SIPA1L1: variants seen among roughly 807,000 people sequenced by gnomAD.
SIPA1L1 encodes the protein signal-induced proliferation-associated 1-like protein 1.
SIPA1L1 carries 26 observed loss-of-function variants against 162.7 expected under a neutral mutation model. That is an observed-to-expected ratio of 0.16 (90% confidence interval 0.12 to 0.22). The LOEUF is 0.22. Among genes scored for constraint, SIPA1L1 ranks in the 10% least tolerant of loss-of-function variants. SIPA1L1 has a pLI of 1.00. For missense variants in SIPA1L1, 1,874 were observed against 2,241.0 expected (o/e 0.84, Z 3.31); for synonymous variants, 829 against 837.4 (o/e 0.99, Z 0.17).
At chr14:71,486,634 T>C (rs1053403064) in intron 2 of SIPA1L1, among the ~76,000 whole-genome samples, 1 of 152,238 alleles carries the variant, frequency 6.6e-6, no homozygotes, top group Non-Finnish European at 1.5e-5. Flanking sequence ...AATACAACTT[T>C]TATTTTTTAA....
intron 12 of SIPA1L1, among the ~76,000 whole-genome samples, chr14:71,676,471 T>TC (rs2045197560): frequency 6.6e-6 from 1 of 151,416 alleles, no homozygotes; most frequent in Non-Finnish European, 1.5e-5. Flanking sequence ...ATTTTCCTTT[T>TC]TTTTTTTTTT....
intron 4 of SIPA1L1, among the ~76,000 whole-genome samples, chr14:71,542,735 T>TC (rs2054584131): frequency 1.4e-5 from 2 of 139,190 alleles, no homozygotes; most frequent in African/African-American, 5.2e-5. Flanking sequence ...TCCTCCTCCT[T>TC]CTTCTCTCTC....
At chr14:71,669,673 A>T (rs1342753362) in intron 10 of SIPA1L1, among the ~76,000 whole-genome samples, 1 of 152,206 alleles carries the variant, frequency 6.6e-6, no homozygotes, top group Non-Finnish European at 1.5e-5. Flanking sequence ...TGGTATAATT[A>T]AGCCATATGG....
At chr14:71,571,434 A>C (rs1310616581) in intron 4 of SIPA1L1, among the ~76,000 whole-genome samples, 1 of 152,170 alleles carries the variant, frequency 6.6e-6, no homozygotes, top group Non-Finnish European at 1.5e-5. Flanking sequence ...TAAAAAGAAC[A>C]ACACAAAGAC....
At chr14:71,400,403 C>G (rs528624381) in intron 2 of SIPA1L1, among the ~76,000 whole-genome samples, 1 of 152,174 alleles carries the variant, frequency 6.6e-6, no homozygotes, top group Admixed American at 6.5e-5. Context: ...TTACATAAAG[C>G]ATTTTTTATT....
At chr14:71,669,365 C>G (rs988477542) in intron 10 of SIPA1L1, among the ~76,000 whole-genome samples, 3 of 152,156 alleles carry the variant, frequency 2.0e-5, no homozygotes, top group Non-Finnish European at 4.4e-5. Context: ...TAAAATCACA[C>G]CCCCTGCTAA....
intron 7 of SIPA1L1, among the ~76,000 whole-genome samples, chr14:71,641,299 A>C (rs1267942825): frequency 6.6e-6 from 1 of 151,960 alleles, no homozygotes; most frequent in Non-Finnish European, 1.5e-5. Context: ...AAAAAAAATC[A>C]AATATAGGCT....
chr14:71,445,535 G>C (rs2045277522), intron 2 of SIPA1L1, among the ~76,000 whole-genome samples: 1 of 152,134 alleles, frequency 6.6e-6, no homozygotes, highest in Non-Finnish European at 1.5e-5. Flanking sequence ...CATGGGAAGA[G>C]AGACTGGATA....
rs995055840 is a variant in SIPA1L1 at position 71,650,614 on chromosome 14, A to G, written c.1993+105A>G. 4 of 1,060,330 alleles carry G rather than the reference A, an allele frequency of 3.8e-6. No individual in the cohort carries two copies. In the East Asian group the frequency reaches 7.6e-5, roughly 20 times the overall value. 65.7% of individuals were successfully genotyped at this position (1,060,330 alleles called of 1,614,324 possible). A position where few individuals can be genotyped will look rare whatever the true frequency, so the allele number is the denominator to read the frequency against. On this transcript the variant is annotated intron_variant, in intron 8 of 23. Coordinates refer to ENST00000381232, the MANE Select transcript of SIPA1L1 (RefSeq NM_001386936.1). ...GCAACATTGCCATTTATCGCAGAAC[A>G]CTGCTGGTGATGGGGGAGAGAAAGC...
intron 2 of SIPA1L1, among the ~76,000 whole-genome samples, chr14:71,357,921 G>A (rs1411456733): frequency 6.6e-6 from 1 of 152,154 alleles, no homozygotes; most frequent in African/African-American, 2.4e-5. Flanking sequence ...TAGTAGAGAC[G>A]AGGTTTTGTT....
At chr14:71,502,256 AT>A (rs1337334839) in intron 2 of SIPA1L1, among the ~76,000 whole-genome samples, 108 of 59,642 alleles carry the variant, frequency 1.8e-3, no homozygotes, top group African/African-American at 5.4e-3. Flanking sequence ...AAAAAAAAAA[AT>A]ATATATATAT....
intron 5 of SIPA1L1, among the ~76,000 whole-genome samples, chr14:71,601,974 A>G (rs1296350911): frequency 6.7e-6 from 1 of 150,038 alleles, no homozygotes; most frequent in East Asian, 1.9e-4. Context: ...TATCCTACCA[A>G]GTGGTTTATT....
chr14:71,664,698 A>G (rs1055309959), intron 10 of SIPA1L1, among the ~76,000 whole-genome samples: 1 of 152,190 alleles, frequency 6.6e-6, no homozygotes, highest in Non-Finnish European at 1.5e-5. Flanking sequence ...TTAGCATTTA[A>G]AACCTCTTGG....
intron 2 of SIPA1L1, among the ~76,000 whole-genome samples, chr14:71,438,593 C>G (rs2044593655): frequency 6.6e-6 from 1 of 152,068 alleles, no homozygotes; most frequent in East Asian, 1.9e-4. Context: ...GTAAAAGGAC[C>G]ACGGTTGCTT....
At chr14:71,648,021 G>A (rs1044135104) in intron 7 of SIPA1L1, among the ~76,000 whole-genome samples, 2 of 152,186 alleles carry the variant, frequency 1.3e-5, no homozygotes, top group African/African-American at 4.8e-5. Context: ...CAGGCACAGT[G>A]GCTCATGCCT....
intron 12 of SIPA1L1, among the ~76,000 whole-genome samples, chr14:71,675,089 G>C (rs896888320): frequency 6.6e-5 from 10 of 152,220 alleles, no homozygotes; most frequent in Non-Finnish European, 1.3e-4. Context: ...TTTCTATGGT[G>C]CAGATACTCC....
chr14:71,720,328 C>T (rs1321078441), intron 17 of SIPA1L1, among the ~76,000 whole-genome samples: 1 of 152,150 alleles, frequency 6.6e-6, no homozygotes, highest in East Asian at 1.9e-4. Context: ...TGCCTGTAAT[C>T]CTAGCACTTT....
intron 20 of SIPA1L1, 123 bp from the exon 21 acceptor site, chr14:71,733,543 A>G: frequency 1.0e-6 from 1 of 994,214 alleles, no homozygotes; most frequent in Non-Finnish European, 1.5e-6. Flanking sequence ...ACAGCCTGCT[A>G]ACCTGGACAT....
At chr14:71,466,470 T>G (rs1347212608) in intron 2 of SIPA1L1, among the ~76,000 whole-genome samples, 2 of 151,856 alleles carry the variant, frequency 1.3e-5, no homozygotes, top group African/African-American at 4.8e-5. Flanking sequence ...CAAAGTGGAG[T>G]TCTCTAAGGA....
Sources: allele counts gnomAD v4.1 joint callset (sites outside exome capture counted in the v4.1 genomes callset), GRCh38; gene constraint gnomAD v4.1.1; transcripts MANE v1.5; gene names NCBI Gene and HGNC (gene_info 2026-07-23, HGNC 2026-07-21).